Variants in TRIOBP observed in about 807,000 individuals in gnomAD.
TRIOBP encodes TRIO and F-actin-binding protein.
In TRIOBP, 169 loss-of-function variants were observed where a neutral mutation model predicts 238.8. That is an observed-to-expected ratio of 0.71 (90% confidence interval 0.62 to 0.80). The LOEUF is 0.80. TRIOBP is among the 30% of genes least tolerant of loss of function. TRIOBP has a pLI of 0.00. For missense variants in TRIOBP, 2,838 were observed against 3,122.6 expected, an observed-to-expected ratio of 0.91 and a Z score of 2.17; for synonymous variants, 1,150 against 1,274.4, an observed-to-expected ratio of 0.90 and a Z score of 2.08.
At chr22:37,740,874 A>G in intron 10 of TRIOBP, 21 bp from the exon 11 acceptor site, 1 of 1,563,960 alleles carries the variant, frequency 6.4e-7, no homozygotes, top group Non-Finnish European at 8.7e-7. Flanking sequence ...CCTGGGGCCA[A>G]CACTGGACCC....
chr22:37,714,915 G>A (rs1418830187), intron 5 of TRIOBP, among the ~76,000 whole-genome samples: 1 of 152,044 alleles, frequency 6.6e-6, no homozygotes, highest in Non-Finnish European at 1.5e-5. Flanking sequence ...TTTTACTGAG[G>A]CCATGGAGCG....
At chr22:37,699,517 T>C (rs1469652066) in intron 2 of TRIOBP, among the ~76,000 whole-genome samples, 1 of 152,132 alleles carries the variant, frequency 6.6e-6, no homozygotes, top group Non-Finnish European at 1.5e-5. Flanking sequence ...ACTCAAACTT[T>C]GGGGCGCACT....
intron 17 of TRIOBP, among the ~76,000 whole-genome samples, chr22:37,762,816 A>G (rs1357264288): frequency 6.6e-6 from 1 of 152,112 alleles, no homozygotes; most frequent in Non-Finnish European, 1.5e-5. Context: ...CCCAGCTGGT[A>G]TCTCGGGCTG....
intron 4 of TRIOBP, 141 bp from the exon 5 acceptor site, chr22:37,713,069 G>C: frequency 1.5e-6 from 1 of 661,592 alleles, no homozygotes; most frequent in South Asian, 1.9e-5. Context: ...GTCTGACACA[G>C]AGGCAGCTCT....
At chr22:37,759,561 G>C in intron 17 of TRIOBP, 2 of 1,596,798 alleles carry the variant, frequency 1.3e-6, no homozygotes, top group Non-Finnish European at 1.7e-6. Flanking sequence ...GCCTGTGTGT[G>C]AGTCCCCGTG....
At chr22:37,753,016 G>T (rs1055804502) in intron 12 of TRIOBP, among the ~76,000 whole-genome samples, 15 of 152,214 alleles carry the variant, frequency 9.9e-5, no homozygotes, top group African/African-American at 3.6e-4. Context: ...CATAGGCTAG[G>T]CCTGGAAGAG....
At chr22:37,720,031 CAG>C (rs1474266364) in intron 6 of TRIOBP, among the ~76,000 whole-genome samples, 1 of 37,406 alleles carries the variant, frequency 2.7e-5, no homozygotes, top group African/African-American at 8.1e-5. Context: ...TTTTTTGAGA[CAG>C]AGTTTCACTC....
chr22:37,759,453 A>T, intron 17 of TRIOBP, 189 bp downstream of exon 17: 1 of 1,479,644 alleles, frequency 6.8e-7, no homozygotes, highest in South Asian at 1.1e-5. Context: ...TTTACAGACA[A>T]GGCCACTGAG....
At chr22:37,772,212 G>A (rs1926814118) in intron 22 of TRIOBP, among the ~76,000 whole-genome samples, 5 of 152,172 alleles carry the variant, frequency 3.3e-5, no homozygotes, top group Admixed American at 2.6e-4. Flanking sequence ...TTTGGGGCAG[G>A]AAGTGGACAT....
intron 7 of TRIOBP, among the ~76,000 whole-genome samples, 176 bp from the exon 8 acceptor site, chr22:37,733,122 C>T (rs1924503369): frequency 6.6e-6 from 1 of 152,260 alleles, no homozygotes; most frequent in African/African-American, 2.4e-5. Flanking sequence ...TAACCATCCC[C>T]ATTTTTCAGA....
At chr22:37,748,416 C>A (rs2145858240) in intron 11 of TRIOBP, among the ~76,000 whole-genome samples, 1 of 152,294 alleles carries the variant, frequency 6.6e-6, no homozygotes, top group East Asian at 1.9e-4. Flanking sequence ...TTGCCTTTGC[C>A]TGGGTGCAGC....
At position 37,724,440 on chromosome 22, in the gene TRIOBP, T is replaced by C. The variant is rs6000869; in HGVS notation, c.1884T>C (p.Cys628=). 2.6e-4 allele frequency: 412 copies of C among 1,592,964 alleles called. 1 individual carries two copies. Among genetic ancestry groups the C allele is most frequent in the African/African-American group, 1.9e-3 (127 of 68,212 alleles). The change falls in exon 7 of 24, where the codon TGT becomes TGC. Residue 628 remains cysteine, a synonymous_variant. Coordinates refer to ENST00000644935, the MANE Select transcript of TRIOBP (RefSeq NM_001039141.3). The part of the protein sequence containing the change: ...RATRDNPRTS[C]AQRDNPRASS... ...CACGAGATAACCCCAGAACATCCTG[T>C]GCCCAGCGGGACAATCCCAGAGCCT...
chr22:37,746,296 G>A (rs762586713), intron 11 of TRIOBP: 3 of 1,098,876 alleles, frequency 2.7e-6, no homozygotes, highest in East Asian at 1.1e-4. Flanking sequence ...GAGGCGCGGC[G>A]GCGGGCGGCC....
At chr22:37,707,965 G>A (rs1923031883) in intron 3 of TRIOBP, among the ~76,000 whole-genome samples, 1 of 128,114 alleles carries the variant, frequency 7.8e-6, no homozygotes, top group African/African-American at 2.9e-5. Flanking sequence ...AAAAAAAAAA[G>A]GCCGGGCGTG....
intron 9 of TRIOBP, 52 bp from the exon 10 acceptor site, chr22:37,738,590 T>C: frequency 6.4e-7 from 1 of 1,565,324 alleles, no homozygotes; most frequent in Middle Eastern, 1.7e-4. Context: ...GACAGATGCA[T>C]GCATCCTGGA....
intron 2 of TRIOBP, among the ~76,000 whole-genome samples, chr22:37,700,671 G>C (rs766430102): frequency 6.6e-6 from 1 of 151,802 alleles, no homozygotes; most frequent in African/African-American, 2.4e-5. Flanking sequence ...CGCCCGCAAT[G>C]GGCCCAGCTG....
At chr22:37,702,458 C>G (rs1922701295) in intron 3 of TRIOBP, among the ~76,000 whole-genome samples, 2 of 152,104 alleles carry the variant, frequency 1.3e-5, no homozygotes, top group Non-Finnish European at 2.9e-5. Context: ...CCCGCCTCAG[C>G]CTCCCAAAGT....
At chr22:37,773,438 T>G (rs1363627452) in intron 23 of TRIOBP, among the ~76,000 whole-genome samples, 3 of 152,120 alleles carry the variant, frequency 2.0e-5, no homozygotes, top group Non-Finnish European at 1.5e-5. Context: ...CAGGCTGGTC[T>G]CGAACTCCTG....
chr22:37,724,777 C>T lies in TRIOBP; in HGVS notation c.2221C>T (p.Arg741Ter), dbSNP rs546890298. The T allele has an allele frequency of 3.7e-6, 6 of 1,612,154 alleles. No individual in the cohort carries two copies. The African/African-American group carries it at 4.0e-5, about 11-fold the overall frequency. ...RASSRNRTIQ[R>*]DNPRTSCAQR... The stretch of plus-strand genomic sequence containing the variant: ...CTCCTCTCGCAACAGAACCATCCAG[C>T]GAGACAACCCCAGAACATCCTGTGC... Residue 741 changes from arginine to a stop codon, truncating the protein, a stop_gained, in exon 7 of 24, where the codon CGA becomes TGA. Coordinates refer to ENST00000644935, the MANE Select transcript of TRIOBP (RefSeq NM_001039141.3). LOFTEE classifies it high-confidence loss of function.
Sources: allele counts gnomAD v4.1 joint callset (sites outside exome capture counted in the v4.1 genomes callset), GRCh38; gene constraint gnomAD v4.1.1; transcripts MANE v1.5; gene names NCBI Gene and HGNC (gene_info 2026-07-23, HGNC 2026-07-21).